The following RPS6KA1 variants were observed in gnomAD, a reference collection of about 807,000 sequenced individuals.
RPS6KA1 encodes the protein ribosomal protein S6 kinase alpha-1.
RPS6KA1 carries 48 observed loss-of-function variants against 91.3 expected under a neutral mutation model. That is an observed-to-expected ratio of 0.53 (90% CI 0.42 to 0.67). The LOEUF (loss-of-function observed/expected upper bound fraction) is 0.67, where lower values mean the gene tolerates loss of function less well. Among genes scored for constraint, RPS6KA1 ranks in the 30% least tolerant of loss-of-function variants. RPS6KA1 has a pLI of 0.00. For synonymous variants in RPS6KA1, 359 were observed against 384.7 expected, an observed-to-expected ratio of 0.93 and a Z score of 0.78; for missense variants, 719 against 960.5, an observed-to-expected ratio of 0.75 and a Z score of 3.32.
chr1:26,547,300 C>G lies in RPS6KA1; in HGVS notation c.307+30C>G. On this transcript the variant is annotated intron_variant, in intron 4 of 21. Transcript: ENST00000374168. This position sits in a 1 kb window ranked among gnomAD's most constrained non-coding sequence, Gnocchi z 4.1. ...GTGGGGACACCTCCCTGTGCAGAACCCAGGCTTGGCTGAGGGAGGCAGCCC... is the reference window on the plus strand; with the variant it reads ...GTGGGGACACCTCCCTGTGCAGAACGCAGGCTTGGCTGAGGGAGGCAGCCC... 2 of 1,599,572 alleles carry G rather than the reference C, an allele frequency of 1.3e-6. No individual in the cohort carries two copies. Among genetic ancestry groups the G allele is most frequent in the East Asian group, 4.5e-5 (2 of 44,588 alleles).
In RPS6KA1 at chr1:26,561,481, G is replaced by A; in HGVS notation, c.1432-24G>A. 1 of 1,614,128 alleles carries A rather than the reference G, an allele frequency of 6.2e-7. No individual in the cohort carries two copies. The highest frequency in any genetic ancestry group is 8.5e-7 in the Non-Finnish European group (1 of 1,180,002). On this transcript the variant is annotated intron_variant, in intron 16 of 21. Transcript: ENST00000374168. The surrounding 1 kb of genome is among the most constrained non-coding windows in gnomAD (Gnocchi z 5.7). ...CTCAGGCCTGACACTGGGGAGAAGA[G>A]CCTGATGGTGAGGTCTTCGGCAGGT...
intron 2 of RPS6KA1, chr1:26,542,986 T>G (rs1570426497): frequency 1.6e-6 from 1 of 625,984 alleles, no homozygotes. Flanking sequence ...GGGCTTGGGG[T>G]CTGCAGTGTC....
At chr1:26,572,938 T>C (rs961719348) in intron 20 of RPS6KA1, among the ~76,000 whole-genome samples, 3 of 152,244 alleles carry the variant, frequency 2.0e-5, no homozygotes, top group South Asian at 2.1e-4. Flanking sequence ...AACCTGAATC[T>C]GTCTGAGCCC....
rs2076077596 is a variant in RPS6KA1 at position 26,554,145 on chromosome 1, G to A, written c.576-69G>A. The A allele has an allele frequency of 6.6e-7, 1 of 1,509,836 alleles. No individual in the cohort carries two copies. The highest frequency in any genetic ancestry group is 2.0e-5 in the Admixed American group (1 of 49,802). 93.5% of individuals were successfully genotyped at this position (1,509,836 alleles called of 1,614,324 possible). A position where few individuals can be genotyped will look rare whatever the true frequency, so the allele number is the denominator to read the frequency against. ...CTCTGGGCTGAACCCAACTCCCACA[G>A]CCCTGTGGTAACACCATCACCCACA... On this transcript the variant is annotated intron_variant, in intron 7 of 21. Transcript: ENST00000374168. The surrounding 1 kb of genome is among the most constrained non-coding windows in gnomAD (Gnocchi z 4.6).
chr1:26,565,849 C>T (rs976974811), intron 17 of RPS6KA1, among the ~76,000 whole-genome samples: 14 of 151,988 alleles, frequency 9.2e-5, no homozygotes, highest in African/African-American at 2.9e-4. Flanking sequence ...GGCGCGGCCC[C>T]GTTTTGGAAT....
At chr1:26,562,311 CAGAGATGAAAGTTCAT>C (rs1398270068) in intron 17 of RPS6KA1, among the ~76,000 whole-genome samples, 1 of 152,154 alleles carries the variant, frequency 6.6e-6, no homozygotes. Flanking sequence ...GACCGGAGCT[CAGAGATGAAAGTTCAT>C]TTGCTAAATA....
chr1:26,537,097 C>A, intron 2 of RPS6KA1, 128 bp downstream of exon 2: 1 of 952,362 alleles, frequency 1.1e-6, no homozygotes, highest in South Asian at 1.4e-5. Flanking sequence ...CAGGGCCCAC[C>A]GAATCCTTGT....
At chr1:26,538,860 C>T (rs1474880660) in intron 2 of RPS6KA1, among the ~76,000 whole-genome samples, 2 of 152,214 alleles carry the variant, frequency 1.3e-5, no homozygotes. Context: ...CTAATGCCCA[C>T]TTCTGGGCTT....
intron 1 of RPS6KA1, among the ~76,000 whole-genome samples, chr1:26,532,260 C>T (rs886869947): frequency 8.5e-5 from 13 of 152,178 alleles, no homozygotes; most frequent in African/African-American, 2.9e-4. Context: ...AGTTCTGCCA[C>T]GTACAGAGCT....
intron 2 of RPS6KA1, among the ~76,000 whole-genome samples, chr1:26,541,792 T>TGGG: frequency 6.6e-6 from 1 of 152,268 alleles, no homozygotes; most frequent in East Asian, 1.9e-4. Flanking sequence ...TGCTGCCAGC[T>TGGG]GGGGAAGGGG....
In RPS6KA1 at chr1:26,547,101, G is replaced by A; in HGVS notation, c.226-88G>A. ...CCTTGGTACCCAGGGAGAGCAAAAA[G>A]GTCAGCTTGGGGCTCAGAGAAGATA... On this transcript the variant is annotated intron_variant, in intron 3 of 21. Coordinates refer to ENST00000374168, the MANE Select transcript of RPS6KA1 (RefSeq NM_002953.4). The surrounding 1 kb of genome is among the most constrained non-coding windows in gnomAD (Gnocchi z 4.1). The A allele has an allele frequency of 1.3e-6, 2 of 1,552,378 alleles. No individual in the cohort carries two copies. Among genetic ancestry groups the A allele is most frequent in the Non-Finnish European group, 1.8e-6 (2 of 1,125,166 alleles).
chr1:26,562,981 C>T (rs974865844), intron 17 of RPS6KA1, among the ~76,000 whole-genome samples: 6 of 150,448 alleles, frequency 4.0e-5, no homozygotes, highest in Admixed American at 1.3e-4. Flanking sequence ...GGATTAGAGG[C>T]GCCTGTCACC....
Position 26,574,556 on chromosome 1 carries a change from G to T in RPS6KA1, c.*355G>T. 1 of 446,414 alleles carries T rather than the reference G, an allele frequency of 2.2e-6. No homozygotes were observed. Among genetic ancestry groups the T allele is most frequent in the Non-Finnish European group, 4.5e-6 (1 of 223,434 alleles). 27.7% of individuals were successfully genotyped at this position (446,414 alleles called of 1,614,324 possible). On this transcript the variant is annotated 3_prime_UTR_variant, in exon 22 of 22. Transcript: ENST00000374168. The surrounding 1 kb of genome is among the most constrained non-coding windows in gnomAD (Gnocchi z 4.3). ...ACTGAGTCACGCTGGGGCTCTCTGA[G>T]ACTCTTTAGAGCAGCTTTGGGATCC...
chr1:26,562,789 G>A (rs2076164106), intron 17 of RPS6KA1, among the ~76,000 whole-genome samples: 1 of 143,472 alleles, frequency 7.0e-6, no homozygotes, highest in Non-Finnish European at 1.5e-5. Context: ...TTTTCACATA[G>A]TACCCAGTCC....
chr1:26,541,854 G>A (rs1182437015), intron 2 of RPS6KA1, among the ~76,000 whole-genome samples: 1 of 152,212 alleles, frequency 6.6e-6, no homozygotes, highest in Non-Finnish European at 1.5e-5. Flanking sequence ...GCTACAGCTG[G>A]CAGGGTGGGA....
At chr1:26,533,233 C>G (rs562287697) in intron 1 of RPS6KA1, among the ~76,000 whole-genome samples, 1 of 152,144 alleles carries the variant, frequency 6.6e-6, no homozygotes, top group African/African-American at 2.4e-5. Context: ...GCCCGTGTCA[C>G]CATGCCCAGC....
Position 26,551,708 on chromosome 1 carries a change from C to T in RPS6KA1, c.453C>T (p.Thr151=). 1 of 1,614,086 alleles carries T rather than the reference C, an allele frequency of 6.2e-7. No individual in the cohort carries two copies. The highest frequency in any genetic ancestry group is 8.5e-7 in the Non-Finnish European group (1 of 1,179,930). The part of the protein sequence containing the change: ...LDFLRGGDLF[T]RLSKEVMFTE... ...TCCTGCGTGGTGGGGACCTCTTCAC[C>T]CGGCTCTCAAAAGAGGTGAGCTGAC... Residue 151 remains threonine (T), a synonymous_variant, in exon 6 of 22, where the codon ACC becomes ACT. Coordinates refer to ENST00000374168, the MANE Select transcript of RPS6KA1 (RefSeq NM_002953.4). This position sits in a 1 kb window ranked among gnomAD's most constrained non-coding sequence, Gnocchi z 4.5.
rs969489954 is a variant in RPS6KA1, at chr1:26,574,011, T to C, written c.2086-68T>C. On this transcript the variant is annotated intron_variant, in intron 21 of 21. Coordinates refer to ENST00000374168, the MANE Select transcript of RPS6KA1 (RefSeq NM_002953.4). The surrounding 1 kb of genome is among the most constrained non-coding windows in gnomAD (Gnocchi z 4.3). ...ACACTGAGAGGGGCTGGCCTACCCT[T>C]GGGGCATGGATCCCCTCCCCGCTAC... The C allele has an allele frequency of 2.1e-5, 33 of 1,562,880 alleles. No individual in the cohort carries two copies. In the African/African-American group the frequency reaches 4.5e-4, roughly 21 times the overall value.
intron 2 of RPS6KA1, among the ~76,000 whole-genome samples, chr1:26,541,032 C>T (rs985525096): frequency 3.3e-5 from 5 of 151,958 alleles, no homozygotes; most frequent in Admixed American, 1.3e-4. Flanking sequence ...TCAGGTGATC[C>T]GCCCACCTCG....
Sources: gnomAD v4.1 joint callset for allele counts (sites outside exome capture counted in the v4.1 genomes callset) on GRCh38, gnomAD v4.1.1 for gene constraint, Gnocchi (gnomAD v3.1) non-coding constraint, MANE v1.5 for transcripts, NCBI Gene and HGNC (gene_info 2026-07-23, HGNC 2026-07-21) for gene names.